The following SLFN12L variants were observed in gnomAD, a reference collection of about 807,000 sequenced individuals.
The protein encoded by SLFN12L is schlafen family member 12-like.
A neutral mutation model predicts 34.8 loss-of-function variants in SLFN12L; 34 were observed. That is an observed-to-expected ratio of 0.98 (90% CI 0.74 to 1.30). The LOEUF (loss-of-function observed/expected upper bound fraction) is 1.30, where lower values mean the gene tolerates loss of function less well. SLFN12L is among the 50% of genes most tolerant of loss of function. The probability of loss-of-function intolerance (pLI) is 0.00; values close to 1 mark genes in which losing one functional copy is unlikely to be tolerated. For synonymous variants in SLFN12L, 259 were observed against 247.5 expected, an observed-to-expected ratio of 1.05 and a Z score of -0.44; for missense variants, 703 against 696.2, an observed-to-expected ratio of 1.01 and a Z score of -0.11.
chr17:35,534,001 G>A (rs1483194774), intron 1 of SLFN12L, among the ~76,000 whole-genome samples: 3 of 151,678 alleles, frequency 2.0e-5, no homozygotes. Context: ...TAACCTGGGA[G>A]GCAAAGTTTG....
chr17:35,479,822 AG>A lies in SLFN12L; in HGVS notation c.459del (p.Leu154TrpfsTer11), dbSNP rs143471015. 0.017 allele frequency: 27,953 copies of A among 1,609,520 alleles called. 1,134 individuals carry two copies. The highest frequency in any genetic ancestry group is 0.17 in the East Asian group (7,429 of 44,744). On this transcript the variant is annotated frameshift_variant, in exon 3 of 5. Transcript: ENST00000628453. LOFTEE classifies it high-confidence loss of function. ...GCAATCTGCGGACCAGAGGTTTCCA[AG>A]CTCCATGATTTCACAAAAATGTGAA... The part of the protein sequence containing the change: ...NYFHIFVKSW[S>X]LETSGPQIAT...
chr17:35,523,408 C>T (rs909822805), intron 1 of SLFN12L, among the ~76,000 whole-genome samples: 3 of 152,206 alleles, frequency 2.0e-5, no homozygotes, highest in Non-Finnish European at 4.4e-5. Context: ...GAAGAAGGTA[C>T]TCATTAGCAC....
chr17:35,514,115 G>A (rs1400385926), intron 2 of SLFN12L, among the ~76,000 whole-genome samples: 2 of 152,218 alleles, frequency 1.3e-5, no homozygotes, highest in Non-Finnish European at 2.9e-5. Context: ...CACAAAGCTT[G>A]ATTGGGGTAT....
chr17:35,502,164 A>G (rs866211582), intron 2 of SLFN12L, among the ~76,000 whole-genome samples: 2 of 152,154 alleles, frequency 1.3e-5, no homozygotes, highest in Non-Finnish European at 2.9e-5. Flanking sequence ...TTTAAAACCT[A>G]TAATTGATAA....
intron 2 of SLFN12L, among the ~76,000 whole-genome samples, chr17:35,510,522 C>T (rs1267776975): frequency 6.6e-6 from 1 of 152,112 alleles, no homozygotes; most frequent in Non-Finnish European, 1.5e-5. Flanking sequence ...CGCTGTTATT[C>T]CTATTATAGG....
intron 2 of SLFN12L, among the ~76,000 whole-genome samples, chr17:35,484,387 A>T (rs974321048): frequency 2.0e-5 from 3 of 152,222 alleles, no homozygotes; most frequent in African/African-American, 7.2e-5. Context: ...TTAAGACACC[A>T]GAAGGAAAAG....
Position 35,474,823 on chromosome 17 carries a change from T to G in SLFN12L, c.*100A>C. 8.2e-7 allele frequency: 1 copy of G among 1,216,478 alleles called. No individual in the cohort carries two copies. The highest frequency in any genetic ancestry group is 1.1e-6 in the Non-Finnish European group (1 of 903,850). The allele number at this position is 1,216,478 out of a possible 1,614,324, so 75.4% of individuals were successfully genotyped here. On this transcript the variant is annotated 3_prime_UTR_variant, in exon 5 of 5. Coordinates refer to ENST00000628453, the MANE Select transcript of SLFN12L (RefSeq NM_001363830.2). ...GGCAGGCACATGTAATCCCAGCTAC[T>G]CGGGAGGCTGAGGCAGGGAATTGCT...
intron 2 of SLFN12L, among the ~76,000 whole-genome samples, chr17:35,503,298 A>C (rs2142152432): frequency 6.6e-6 from 1 of 152,346 alleles, no homozygotes; most frequent in East Asian, 1.9e-4. Flanking sequence ...TTTTTCTGAG[A>C]ACTGGACATT....
At chr17:35,523,626 T>C (rs1227010662) in intron 1 of SLFN12L, among the ~76,000 whole-genome samples, 2 of 152,214 alleles carry the variant, frequency 1.3e-5, no homozygotes, top group African/African-American at 4.8e-5. Context: ...AGAATATACT[T>C]GTGCTACAGA....
intron 1 of SLFN12L, among the ~76,000 whole-genome samples, chr17:35,523,561 C>A (rs1241266909): frequency 1.3e-5 from 2 of 152,194 alleles, no homozygotes; most frequent in Non-Finnish European, 1.5e-5. Flanking sequence ...GGCTCCCCCC[C>A]ATTACAAAAG....
chr17:35,480,144 A>G lies in SLFN12L; in HGVS notation c.138T>C (p.Ser46=). 3.7e-6 allele frequency: 6 copies of G among 1,606,952 alleles called. No homozygotes were observed. Among genetic ancestry groups the G allele is most frequent in the Non-Finnish European group, 5.1e-6 (6 of 1,176,914 alleles). ...CAGCATAGTTTGTGTCTAAATCAATACTGATGTTCATTTTCCCAGCAGCTA... is the reference window on the plus strand; with the variant it reads ...CAGCATAGTTTGTGTCTAAATCAATGCTGATGTTCATTTTCCCAGCAGCTA... ...NGLAAGKMNI[S]IDLDTNYAEL... Residue 46 remains serine, a synonymous_variant, in exon 3 of 5, where the codon AGT becomes AGC. Transcript: ENST00000628453.
chr17:35,524,456 A>G (rs2072314606), intron 1 of SLFN12L, among the ~76,000 whole-genome samples: 1 of 152,240 alleles, frequency 6.6e-6, no homozygotes, highest in Admixed American at 6.5e-5. Context: ...GGGCCAACAA[A>G]CACCTCATAC....
chr17:35,490,031 T>A, intron 2 of SLFN12L: 1 of 1,601,402 alleles, frequency 6.2e-7, no homozygotes, highest in Non-Finnish European at 8.5e-7. Context: ...CACGAACACT[T>A]CCACCACCTC....
Position 35,522,625 on chromosome 17 carries a change from A to AAG in SLFN12L, c.-262_-261insCT, listed in dbSNP as rs1916031843. ...ATCCATCGGAGACACTGCAGCCTCC[A>AAG]AAGCCTCTGCGCTGCTCTCAGGACT... is the stretch of plus-strand genomic sequence containing the variant. On this transcript the variant is annotated 5_prime_UTR_variant, in exon 2 of 5. An upstream open reading frame in the 5' UTR loses its in-frame stop. Transcript: ENST00000628453. 6.2e-7 allele frequency: 1 copy of AAG among 1,612,338 alleles called. No individual in the cohort carries two copies. The highest frequency in any genetic ancestry group is 8.5e-7 in the Non-Finnish European group (1 of 1,179,204).
intron 2 of SLFN12L, among the ~76,000 whole-genome samples, chr17:35,513,960 C>T (rs1229897682): frequency 6.6e-6 from 1 of 152,110 alleles, no homozygotes; most frequent in Non-Finnish European, 1.5e-5. Context: ...AAAGGCAAGG[C>T]CTGGTTGCCA....
chr17:35,499,269 C>T (rs1915207534), intron 2 of SLFN12L: 2 of 788,930 alleles, frequency 2.5e-6, no homozygotes, highest in Admixed American at 2.9e-5. Flanking sequence ...AATGGACTTC[C>T]TAATTTTCCT....
rs1052429280 is a variant in SLFN12L at position 35,467,970 on chromosome 17, C to T, written c.*6953G>A. On this transcript the variant is annotated 3_prime_UTR_variant, in exon 5 of 5. Coordinates refer to ENST00000628453, the MANE Select transcript of SLFN12L (RefSeq NM_001363830.2). ...TGTTACCCAGGCTGGAGTGCAGTGGCGTGATCACGATTCACTCCCCACTCT... is the reference window on the plus strand; with the variant it reads ...TGTTACCCAGGCTGGAGTGCAGTGGTGTGATCACGATTCACTCCCCACTCT... Among the ~76,000 whole-genome samples the T allele has an allele frequency of 3.9e-5, 6 of 152,156 alleles. No homozygotes were observed. Among genetic ancestry groups the T allele is most frequent in the Admixed American group, 1.3e-4 (2 of 15,268 alleles).
chr17:35,492,284 G>C (rs1914867321), intron 2 of SLFN12L, among the ~76,000 whole-genome samples: 1 of 152,136 alleles, frequency 6.6e-6, no homozygotes, highest in African/African-American at 2.4e-5. Flanking sequence ...TCAGTCCTGG[G>C]GCTTGCTGAC....
intron 2 of SLFN12L, chr17:35,498,461 C>T (rs186314147): frequency 1.6e-6 from 2 of 1,270,486 alleles, no homozygotes; most frequent in South Asian, 1.2e-5. Context: ...ATTTTCTCAT[C>T]GATTCTGATT....
Sources: gnomAD v4.1 joint callset for allele counts (sites outside exome capture counted in the v4.1 genomes callset) on GRCh38, gnomAD v4.1.1 for gene constraint, MANE v1.5 for transcripts, NCBI Gene and HGNC (gene_info 2026-07-23, HGNC 2026-07-21) for gene names.